BMPR2: variants seen among roughly 807,000 people sequenced by gnomAD.
BMPR2 encodes bone morphogenetic protein receptor type 2, also known as bone morphogenetic protein receptor type-2.
BMPR2 carries 29 observed loss-of-function variants against 100.8 expected under a neutral mutation model. The ratio of observed to expected loss-of-function variants is 0.29; its 90% confidence interval spans 0.21 to 0.39. The LOEUF is 0.39. BMPR2 is among the 10% of genes least tolerant of loss of function. The pLI, the probability that BMPR2 is intolerant of heterozygous loss-of-function variation, is 1.00. For synonymous variants in BMPR2, 382 were observed against 442.3 expected, an observed-to-expected ratio of 0.86 and a Z score of 1.71; for missense variants, 1,011 against 1,274.5, an observed-to-expected ratio of 0.79 and a Z score of 3.15.
chr2:202,533,550 C>T (rs994528162), intron 9 of BMPR2, among the ~76,000 whole-genome samples: 3 of 151,208 alleles, frequency 2.0e-5, no homozygotes, highest in East Asian at 2.0e-4. Flanking sequence ...AAAGGCCTGG[C>T]GCGGTGGCTT....
intron 3 of BMPR2, among the ~76,000 whole-genome samples, chr2:202,491,690 C>T (rs1692906172): frequency 6.6e-6 from 1 of 152,156 alleles, no homozygotes. Context: ...AGGCATGAGG[C>T]ACCACGCCTG....
chr2:202,529,994 A>G (rs1687989629), intron 7 of BMPR2, among the ~76,000 whole-genome samples: 2 of 152,166 alleles, frequency 1.3e-5, no homozygotes, highest in Admixed American at 1.3e-4. Context: ...ATAGAGAAGA[A>G]AAATATAATG....
intron 3 of BMPR2, among the ~76,000 whole-genome samples, chr2:202,511,725 A>G (rs558789374): frequency 1.3e-5 from 2 of 152,158 alleles, no homozygotes; most frequent in Non-Finnish European, 2.9e-5. Flanking sequence ...ATCTATTAAT[A>G]TCTGAAAAAT....
At chr2:202,484,451 G>A (rs1429211477) in intron 3 of BMPR2, among the ~76,000 whole-genome samples, 21 of 151,994 alleles carry the variant, frequency 1.4e-4, no homozygotes, top group African/African-American at 4.8e-4. Flanking sequence ...GAGGCGGGTG[G>A]ATCATGAGGT....
chr2:202,485,000 G>GAAAAAAAAT (rs1692744923), intron 3 of BMPR2, among the ~76,000 whole-genome samples: 1 of 144,444 alleles, frequency 6.9e-6, no homozygotes, highest in African/African-American at 2.5e-5. Context: ...AAAGAAAGAA[G>GAAAAAAAAT]AAAAAAAATA....
chr2:202,535,374 G>A (rs1203162548), intron 9 of BMPR2, among the ~76,000 whole-genome samples: 8 of 151,098 alleles, frequency 5.3e-5, no homozygotes, highest in Middle Eastern at 3.4e-3. Context: ...CAGACGGGGC[G>A]GCCGGGCAGA....
intron 1 of BMPR2, among the ~76,000 whole-genome samples, chr2:202,432,073 A>G (rs1691516782): frequency 6.6e-6 from 1 of 150,596 alleles, no homozygotes; most frequent in African/African-American, 2.5e-5. Context: ...GCCATTAAAA[A>G]CAATAAGTTA....
chr2:202,398,187 A>G (rs1442266734), intron 1 of BMPR2, among the ~76,000 whole-genome samples: 6 of 152,132 alleles, frequency 3.9e-5, no homozygotes, highest in Non-Finnish European at 8.8e-5. Flanking sequence ...TTGAAACCAG[A>G]GACTCATTTT....
At chr2:202,496,399 C>T (rs376350460) in intron 3 of BMPR2, among the ~76,000 whole-genome samples, 1 of 152,092 alleles carries the variant, frequency 6.6e-6, no homozygotes, top group African/African-American at 2.4e-5. Context: ...ATCGCTTGAG[C>T]CTGGGAGGCT....
At chr2:202,552,638 C>A (rs1688500193) in intron 10 of BMPR2, 78 bp from the exon 11 acceptor site, 3 of 1,483,018 alleles carry the variant, frequency 2.0e-6, no homozygotes, top group Non-Finnish European at 2.8e-6. Flanking sequence ...TTTTCTTTTA[C>A]CTCATGTGGT....
chr2:202,503,917 G>T lies in BMPR2; in HGVS notation c.419-9802G>T, dbSNP rs1404478508. 6.6e-6 allele frequency among the ~76,000 whole-genome samples: 1 copy of T among 152,154 alleles called. No homozygotes were observed. Among genetic ancestry groups the T allele is most frequent in the Non-Finnish European group, 1.5e-5 (1 of 68,026 alleles). Reference sequence around the variant, plus strand: ...AATAGGCACTCTGTATCTAGCTCAAGGTTTGTAAATACACCAATCAGCACC... The same window carrying T: ...AATAGGCACTCTGTATCTAGCTCAATGTTTGTAAATACACCAATCAGCACC... On this transcript the variant is annotated intron_variant, in intron 3 of 12. Transcript: ENST00000374580. The surrounding 1 kb of genome is among the most constrained non-coding windows in gnomAD (Gnocchi z 4.0).
intron 3 of BMPR2, among the ~76,000 whole-genome samples, chr2:202,512,232 C>T (rs988361398): frequency 6.6e-6 from 1 of 152,124 alleles, no homozygotes; most frequent in Non-Finnish European, 1.5e-5. Flanking sequence ...CCTACTTTGC[C>T]ATAGAAGCTT....
chr2:202,516,591 T>C (rs1687717401), intron 5 of BMPR2, among the ~76,000 whole-genome samples: 1 of 151,972 alleles, frequency 6.6e-6, no homozygotes, highest in Non-Finnish European at 1.5e-5. Context: ...GGTTGAAGGA[T>C]CACTTGAGCC....
intron 1 of BMPR2, among the ~76,000 whole-genome samples, chr2:202,434,933 A>ATATATATATATATT (rs1483284948): frequency 2.2e-4 from 18 of 82,008 alleles, no homozygotes; most frequent in South Asian, 1.9e-3. Flanking sequence ...ATATATATAT[A>ATATATATATATATT]TATTTATTTA....
At chr2:202,535,886 C>G (rs982119059) in intron 9 of BMPR2, among the ~76,000 whole-genome samples, 1 of 152,206 alleles carries the variant, frequency 6.6e-6, no homozygotes, top group Non-Finnish European at 1.5e-5. Flanking sequence ...GGCTGGAGAC[C>G]GGCCTGGCCA....
intron 1 of BMPR2, among the ~76,000 whole-genome samples, chr2:202,431,016 A>G (rs1574445088): frequency 6.6e-6 from 1 of 150,716 alleles, no homozygotes; most frequent in South Asian, 2.1e-4. Flanking sequence ...CTAAATGATT[A>G]AAAACTTTAG....
intron 3 of BMPR2, among the ~76,000 whole-genome samples, chr2:202,477,518 G>A (rs557650029): frequency 3.5e-4 from 54 of 152,214 alleles, no homozygotes; most frequent in African/African-American, 3.6e-4. Context: ...AGCCGGGAGC[G>A]GTGGCTCACA....
At chr2:202,461,269 C>T (rs1692219509) in intron 1 of BMPR2, among the ~76,000 whole-genome samples, 1 of 152,164 alleles carries the variant, frequency 6.6e-6, no homozygotes, top group Admixed American at 6.5e-5. Context: ...GGGTGGATCA[C>T]CTGAGGTCAG....
chr2:202,541,483 T>C (rs1392498950), intron 9 of BMPR2, among the ~76,000 whole-genome samples: 1 of 152,208 alleles, frequency 6.6e-6, no homozygotes, highest in Non-Finnish European at 1.5e-5. Context: ...ACCATTATCA[T>C]AAATATTTTT....
Sources: allele counts gnomAD v4.1 joint callset (sites outside exome capture counted in the v4.1 genomes callset), GRCh38; gene constraint gnomAD v4.1.1; non-coding constraint Gnocchi (gnomAD v3.1); transcripts MANE v1.5; gene names NCBI Gene and HGNC (gene_info 2026-07-23, HGNC 2026-07-21).